PUM2: variants seen among roughly 807,000 people sequenced by gnomAD.
PUM2 encodes pumilio homolog 2.
Under a neutral mutation model 124.5 loss-of-function variants are expected in PUM2, and 57 were observed. The observed-to-expected ratio is 0.46, with a 90% confidence interval of 0.37 to 0.57. PUM2 has a LOEUF of 0.57. PUM2 is among the 20% of genes least tolerant of loss of function. PUM2 has a pLI of 0.00. For synonymous variants in PUM2, 460 were observed against 446.1 expected (o/e 1.03, Z -0.39); for missense variants, 1,065 against 1,290.6 (o/e 0.83, Z 2.68).
intron 15 of PUM2, 103 bp from the exon 16 acceptor site, chr2:20,258,474 G>A (rs1487650313): frequency 3.5e-6 from 4 of 1,140,532 alleles, no homozygotes; most frequent in Non-Finnish European, 4.9e-6. Flanking sequence ...CAGTAACTAT[G>A]TAGGGCAGGG....
intron 1 of PUM2, among the ~76,000 whole-genome samples, chr2:20,346,243 A>G (rs570273278): frequency 1.2e-4 from 18 of 152,362 alleles, no homozygotes; most frequent in Admixed American, 4.6e-4. Context: ...TTTATCATAG[A>G]TAACTGAATG....
intron 8 of PUM2, 84 bp from the exon 9 acceptor site, chr2:20,294,602 A>G (rs1216748654): frequency 4.7e-5 from 66 of 1,407,010 alleles, no homozygotes; most frequent in African/African-American, 1.4e-5. Context: ...CAGATTATAA[A>G]AGGGGGCAGG....
chr2:20,263,528 A>T (rs1198074434), intron 13 of PUM2, 68 bp from the exon 14 acceptor site: 1 of 1,487,394 alleles, frequency 6.7e-7, no homozygotes, highest in Non-Finnish European at 9.1e-7. Context: ...AATTTACTTT[A>T]GCTACAAATT....
At chr2:20,281,254 C>T (rs1671450935) in intron 12 of PUM2, among the ~76,000 whole-genome samples, 1 of 152,036 alleles carries the variant, frequency 6.6e-6, no homozygotes, top group Non-Finnish European at 1.5e-5. Context: ...ATTAAGTAAG[C>T]CATGCTTGTA....
At chr2:20,348,083 G>C (rs924689251) in intron 1 of PUM2, among the ~76,000 whole-genome samples, 1 of 152,006 alleles carries the variant, frequency 6.6e-6, no homozygotes, top group Non-Finnish European at 1.5e-5. Context: ...AACATTTTGG[G>C]AGGCCAAGGC....
intron 12 of PUM2, among the ~76,000 whole-genome samples, chr2:20,282,260 G>A (rs1558540827): frequency 1.3e-5 from 2 of 152,162 alleles, no homozygotes; most frequent in East Asian, 3.8e-4. Flanking sequence ...CAGGATCCAG[G>A]AACCAGTTTG....
chr2:20,297,737 A>T, intron 7 of PUM2, 59 bp from the exon 8 acceptor site: 1 of 1,513,348 alleles, frequency 6.6e-7, no homozygotes, highest in East Asian at 2.3e-5. Context: ...TTTTTTCATT[A>T]GATAAAAACA....
chr2:20,317,547 T>C (rs189309311), intron 3 of PUM2, among the ~76,000 whole-genome samples: 42 of 152,334 alleles, frequency 2.8e-4, no homozygotes, highest in African/African-American at 9.9e-4. Flanking sequence ...TACAGAATTT[T>C]ATTATTTTTA....
chr2:20,292,956 C>CAA (rs1674574243), intron 9 of PUM2, among the ~76,000 whole-genome samples: 1 of 151,966 alleles, frequency 6.6e-6, no homozygotes, highest in South Asian at 2.1e-4. Context: ...CAAAACAAAA[C>CAA]AACACTAAGG....
At chr2:20,261,393 C>T (rs1460054403) in intron 14 of PUM2, among the ~76,000 whole-genome samples, 1 of 13,004 alleles carries the variant, frequency 7.7e-5, no homozygotes. Context: ...GACTCTGTCT[C>T]CAAAAAAAAA....
chr2:20,343,945 GA>G (rs887446187), intron 1 of PUM2, among the ~76,000 whole-genome samples: 3 of 149,398 alleles, frequency 2.0e-5, no homozygotes, highest in Non-Finnish European at 3.0e-5. Context: ...CAGTATCAGA[GA>G]AAAAAAAAGC....
At position 20,258,337 on chromosome 2, in the gene PUM2, G is replaced by A; in HGVS notation, c.2390C>T (p.Thr797Ile). The change falls in exon 16 of 21, where the codon ACT becomes ATT. Residue 797 changes from threonine to isoleucine, a missense_variant. Around this residue, in one of 3 missense-constraint regions of PUM2, gnomAD observed 968 missense variants for 1,159.8 expected, o/e 0.83. Transcript: ENST00000361078. ...GGGTAGAACATGACCACGAATACGA[G>A]TAGCCAGGGCTAATTTTTGATCCAG... Reference protein sequence around the residue: ...GSLDQKLALATRIRGHVLPLA... With the variant: ...GSLDQKLALAIRIRGHVLPLA... 6.2e-7 allele frequency: 1 copy of A among 1,612,638 alleles called. No homozygotes were observed. Among genetic ancestry groups the A allele is most frequent in the African/African-American group, 1.3e-5 (1 of 75,004 alleles).
intron 3 of PUM2, among the ~76,000 whole-genome samples, chr2:20,317,754 T>C (rs1015287463): frequency 6.6e-6 from 1 of 152,142 alleles, no homozygotes; most frequent in Admixed American, 6.5e-5. Flanking sequence ...CCCCTCTTTG[T>C]GTCCCTGTGT....
In PUM2 at chr2:20,261,394, C is replaced by CAAAAAAAAAAAAAAAAAAAAAAAAAAA. The variant is rs200294801; in HGVS notation, c.2226-955_2226-929dup. The stretch of plus-strand genomic sequence containing the variant: ...AAGCGACAGAGTGAGACTCTGTCTC[C>CAAAAAAAAAAAAAAAAAAAAAAAAAAA]AAAAAAAAAAAAAAAAAAAAAAAAA... On this transcript the variant is annotated intron_variant, in intron 14 of 20. Transcript: ENST00000361078. Among the ~76,000 whole-genome samples, 11 of 76,758 alleles carry CAAAAAAAAAAAAAAAAAAAAAAAAAAA rather than the reference C, an allele frequency of 1.4e-4. 1 individual carries two copies. Among genetic ancestry groups the CAAAAAAAAAAAAAAAAAAAAAAAAAAA allele is most frequent in the Non-Finnish European group, 1.9e-4 (7 of 36,908 alleles). The allele number at this position is 76,758 out of a possible 152,430, so 50.4% of individuals were successfully genotyped here. A position where few individuals can be genotyped will look rare whatever the true frequency, so the allele number is the denominator to read the frequency against.
intron 1 of PUM2, 129 bp from the exon 2 acceptor site, chr2:20,327,507 T>C (rs1558654827): frequency 5.0e-6 from 3 of 603,224 alleles, no homozygotes; most frequent in Non-Finnish European, 8.4e-6. Flanking sequence ...CTGATTTCTG[T>C]AGGGAAGACA....
chr2:20,290,018 C>A (rs970791375), intron 10 of PUM2, among the ~76,000 whole-genome samples: 1 of 152,062 alleles, frequency 6.6e-6, no homozygotes, highest in Non-Finnish European at 1.5e-5. Flanking sequence ...ATTTTTTTTA[C>A]TTAGAAAACA....
chr2:20,280,689 G>T (rs1671302500), intron 12 of PUM2, among the ~76,000 whole-genome samples: 1 of 151,960 alleles, frequency 6.6e-6, no homozygotes, highest in African/African-American at 2.4e-5. Context: ...AAAGAAGCTG[G>T]CTCTTTAAGT....
At chr2:20,285,689 A>G (rs576994554) in intron 10 of PUM2, among the ~76,000 whole-genome samples, 1 of 152,286 alleles carries the variant, frequency 6.6e-6, no homozygotes, top group Non-Finnish European at 1.5e-5. Context: ...CCACTATTCT[A>G]GGTACTGGGA....
chr2:20,268,936 C>T (rs1668372299), intron 13 of PUM2, among the ~76,000 whole-genome samples: 1 of 151,916 alleles, frequency 6.6e-6, no homozygotes, highest in Non-Finnish European at 1.5e-5. Context: ...AGAATGCTAT[C>T]CTCTTAATAG....
Sources: gnomAD v4.1 joint callset for allele counts (sites outside exome capture counted in the v4.1 genomes callset) on GRCh38, gnomAD v4.1.1 for gene constraint, gnomAD v4.1.1 regional missense constraint, MANE v1.5 for transcripts, NCBI Gene and HGNC (gene_info 2026-07-23, HGNC 2026-07-21) for gene names.